The following KCNH7 variants were observed in gnomAD, a reference collection of about 807,000 sequenced individuals.
KCNH7 encodes voltage-gated inwardly rectifying potassium channel KCNH7.
Under a neutral mutation model 120.8 loss-of-function variants are expected in KCNH7, and 49 were observed. The ratio of observed to expected loss-of-function variants is 0.41; its 90% CI spans 0.32 to 0.51. The LOEUF is 0.51. Ranked by LOEUF, KCNH7 falls within the 20% of genes least tolerant of loss-of-function variation. KCNH7 has a pLI of 0.38. For missense variants in KCNH7, 1,097 were observed against 1,446.6 expected, an observed-to-expected ratio of 0.76 and a Z score of 3.92; for synonymous variants, 547 against 516.1, an observed-to-expected ratio of 1.06 and a Z score of -0.81.
intron 3 of KCNH7, 124 bp downstream of exon 3, chr2:162,536,801 T>C (rs1029269741): frequency 2.9e-6 from 3 of 1,019,748 alleles, no homozygotes; most frequent in African/African-American, 3.2e-5. Context: ...GGCTTACTCA[T>C]GTCAAATTAT....
chr2:162,434,283 G>C (rs920308061), intron 8 of KCNH7, among the ~76,000 whole-genome samples: 10 of 152,042 alleles, frequency 6.6e-5, no homozygotes, highest in Non-Finnish European at 1.5e-4. Context: ...TGGGTACTAT[G>C]CTCATGATCT....
At chr2:162,630,031 C>T (rs73028542) in intron 2 of KCNH7, among the ~76,000 whole-genome samples, 4,260 of 151,950 alleles carry the variant, frequency 0.028, 218 homozygotes, top group African/African-American at 0.098. Flanking sequence ...TGACAACATC[C>T]GAATATTGAT....
chr2:162,669,916 A>T (rs1439397644), intron 2 of KCNH7, among the ~76,000 whole-genome samples: 1 of 151,606 alleles, frequency 6.6e-6, no homozygotes, highest in African/African-American at 2.4e-5. Context: ...CCTGGCCAAC[A>T]TGGTGAAACC....
intron 3 of KCNH7, among the ~76,000 whole-genome samples, chr2:162,529,833 T>G (rs1029690280): frequency 1.3e-5 from 2 of 151,882 alleles, no homozygotes; most frequent in East Asian, 1.9e-4. Context: ...ACTGCAAACT[T>G]TTTACAGAAG....
At position 162,585,447 on chromosome 2, in the gene KCNH7, CAT is replaced by C. The variant is rs533519607; in HGVS notation, c.308-48369_308-48368del. The stretch of plus-strand genomic sequence containing the variant: ...TTCAATAAAATGTAATAAAATGGAA[CAT>C]GTGCAAGTTTTAAAAATGTAGTATA... On this transcript the variant is annotated intron_variant, in intron 2 of 15. Coordinates refer to ENST00000332142, the MANE Select transcript of KCNH7 (RefSeq NM_033272.4). 4.1e-3 allele frequency among the ~76,000 whole-genome samples: 628 copies of C among 152,120 alleles called. 6 individuals carry two copies. Among genetic ancestry groups the C allele is most frequent in the African/African-American group, 0.014 (596 of 41,544 alleles).
chr2:162,406,037 A>G (rs1573920902), intron 9 of KCNH7, among the ~76,000 whole-genome samples: 1 of 152,140 alleles, frequency 6.6e-6, no homozygotes, highest in East Asian at 1.9e-4. Context: ...ATAGCCAAAT[A>G]GATTTAAATA....
At chr2:162,753,972 T>G (rs1226759401) in intron 2 of KCNH7, among the ~76,000 whole-genome samples, 1 of 151,884 alleles carries the variant, frequency 6.6e-6, no homozygotes, top group Non-Finnish European at 1.5e-5. Context: ...ATAACAATAT[T>G]TTAATATTTA....
At chr2:162,514,628 T>A (rs1691218844) in intron 4 of KCNH7, among the ~76,000 whole-genome samples, 1 of 151,746 alleles carries the variant, frequency 6.6e-6, no homozygotes, top group African/African-American at 2.4e-5. Context: ...CATGTCTGAT[T>A]AATCTAATAA....
At chr2:162,781,321 TAAA>T (rs984673467) in intron 2 of KCNH7, among the ~76,000 whole-genome samples, 3 of 151,156 alleles carry the variant, frequency 2.0e-5, no homozygotes, top group Non-Finnish European at 4.4e-5. Flanking sequence ...CTAAGAGAAA[TAAA>T]AAAAAATTCA....
chr2:162,819,001 G>A (rs183510928), intron 2 of KCNH7, among the ~76,000 whole-genome samples: 1 of 152,074 alleles, frequency 6.6e-6, no homozygotes, highest in African/African-American at 2.4e-5. Flanking sequence ...AATCAAAATT[G>A]AACATTCTAC....
chr2:162,607,970 A>C (rs1440550836), intron 2 of KCNH7, among the ~76,000 whole-genome samples: 1 of 152,228 alleles, frequency 6.6e-6, no homozygotes, highest in African/African-American at 2.4e-5. Flanking sequence ...AGTTTTCTTA[A>C]TTTACAAAAT....
At chr2:162,652,418 G>A (rs757565516) in intron 2 of KCNH7, among the ~76,000 whole-genome samples, 7 of 152,116 alleles carry the variant, frequency 4.6e-5, no homozygotes, top group East Asian at 1.9e-4. Flanking sequence ...CTTGGACGGG[G>A]TGGTGGAGAG....
At chr2:162,412,202 A>G (rs1174802725) in intron 9 of KCNH7, among the ~76,000 whole-genome samples, 2 of 152,086 alleles carry the variant, frequency 1.3e-5, no homozygotes, top group African/African-American at 4.8e-5. Context: ...GAAATGCTTA[A>G]TATATTTTAT....
At chr2:162,543,427 T>C (rs1692379339) in intron 2 of KCNH7, among the ~76,000 whole-genome samples, 1 of 152,016 alleles carries the variant, frequency 6.6e-6, no homozygotes, top group Non-Finnish European at 1.5e-5. Context: ...CCAAGAGAGA[T>C]TATATATATT....
At chr2:162,769,805 C>T (rs975242694) in intron 2 of KCNH7, among the ~76,000 whole-genome samples, 2 of 152,012 alleles carry the variant, frequency 1.3e-5, no homozygotes, top group East Asian at 1.9e-4. Flanking sequence ...ACATTAAAAA[C>T]GGCATCTGCA....
chr2:162,461,720 A>ACC (rs1689150914), intron 6 of KCNH7, among the ~76,000 whole-genome samples: 2 of 152,170 alleles, frequency 1.3e-5, no homozygotes, highest in Non-Finnish European at 2.9e-5. Context: ...ACAAAGTGGT[A>ACC]TTTTAGGAAA....
At chr2:162,441,302 C>A (rs1168439997) in intron 7 of KCNH7, among the ~76,000 whole-genome samples, 1 of 152,104 alleles carries the variant, frequency 6.6e-6, no homozygotes, top group African/African-American at 2.4e-5. Flanking sequence ...GTTCAGCTGT[C>A]GAAATGCTCA....
At position 162,384,825 on chromosome 2, in the gene KCNH7, T is replaced by C; in HGVS notation, c.2825A>G (p.Asp942Gly). The change falls in exon 13 of 16, where the codon GAT becomes GGT. Residue 942 changes from aspartate (D) to glycine (G), a missense_variant. Asp to Gly is a moderately conservative substitution (Grantham distance 94, BLOSUM62 -1). Around this residue, in one of 8 missense-constraint regions of KCNH7, gnomAD observed 406 missense variants for 410.5 expected, o/e 0.99. Transcript: ENST00000332142. ...TGAGAAGAGCGGCTTTTGTTCATCA[T>C]CAATGGAGGAGATGAAAGATGAGGA... The part of the protein sequence containing the change: ...SRSSSFISSI[D>G]DEQKPLFSGI... 1 of 1,612,892 alleles carries C rather than the reference T, an allele frequency of 6.2e-7. No homozygotes were observed. Among genetic ancestry groups the C allele is most frequent in the Non-Finnish European group, 8.5e-7 (1 of 1,179,120 alleles).
At chr2:162,759,792 GA>G in intron 2 of KCNH7, among the ~76,000 whole-genome samples, 1 of 152,030 alleles carries the variant, frequency 6.6e-6, no homozygotes, top group Non-Finnish European at 1.5e-5. Context: ...TTTAAAATGA[GA>G]GAATTTTGAA....
Sources: gnomAD v4.1 joint callset for allele counts (sites outside exome capture counted in the v4.1 genomes callset) on GRCh38, gnomAD v4.1.1 for gene constraint, gnomAD v4.1.1 regional missense constraint, MANE v1.5 for transcripts, NCBI Gene and HGNC (gene_info 2026-07-23, HGNC 2026-07-21) for gene names.